The following CERS6 variants were observed in gnomAD, a reference collection of about 807,000 sequenced individuals.
The protein encoded by CERS6 is ceramide synthase 6, also known as LAG1 homolog, ceramide synthase 6.
CERS6 carries 26 observed loss-of-function variants against 56.8 expected under a neutral mutation model. That is an observed-to-expected ratio of 0.46 (90% CI 0.34 to 0.63). The LOEUF is 0.63. Ranked by LOEUF, CERS6 falls within the 30% of genes least tolerant of loss-of-function variation. The pLI is 0.01. For missense variants in CERS6, 415 were observed against 467.5 expected (o/e 0.89, Z 1.04); for synonymous variants, 164 against 173.3 (o/e 0.95, Z 0.42).
At position 168,734,168 on chromosome 2, in the gene CERS6, A is replaced by T. The variant is rs141717886; in HGVS notation, c.845+16190A>T. Among the ~76,000 whole-genome samples, 783 of 152,152 alleles carry T rather than the reference A, an allele frequency of 5.1e-3. 5 individuals carry two copies. The highest frequency in any genetic ancestry group is 8.1e-3 in the Admixed American group (124 of 15,286). On this transcript the variant is annotated intron_variant, in intron 8 of 9. Transcript: ENST00000305747. The stretch of plus-strand genomic sequence containing the variant: ...ATGTATAGAATTATCCATGCAAGGG[A>T]TTCTGGTATAGGAGGTGTGGGCGGT...
At chr2:168,552,349 T>TATACAC (rs1553491032) in intron 2 of CERS6, among the ~76,000 whole-genome samples, 1 of 140,002 alleles carries the variant, frequency 7.1e-6, no homozygotes, top group Non-Finnish European at 1.5e-5. Flanking sequence ...ATACAGAGTA[T>TATACAC]ACACACACAC....
At chr2:168,671,212 G>C (rs1370693788) in intron 4 of CERS6, among the ~76,000 whole-genome samples, 1 of 151,814 alleles carries the variant, frequency 6.6e-6, no homozygotes, top group East Asian at 1.9e-4. Flanking sequence ...TGATCCACCT[G>C]CCTCGGCCTC....
In CERS6 at chr2:168,774,439, T is replaced by C. The variant is rs1684947686; in HGVS notation, c.*4777T>C. On this transcript the variant is annotated 3_prime_UTR_variant, in exon 10 of 10. Transcript: ENST00000305747. Reference sequence around the variant, plus strand: ...AAAGTAGTATGCCCATGTATGTGTGTTTTTCTTAACACAGGTCCATGAAAG... The same window carrying C: ...AAAGTAGTATGCCCATGTATGTGTGCTTTTCTTAACACAGGTCCATGAAAG... 1.3e-5 allele frequency: 2 copies of C among 152,170 alleles called. No individual in the cohort carries two copies. Among genetic ancestry groups the C allele is most frequent in the Admixed American group, 1.3e-4 (2 of 15,284 alleles). 9.4% of individuals were successfully genotyped at this position (152,170 alleles called of 1,614,324 possible).
rs140603901 is a variant in CERS6 at position 168,551,523 on chromosome 2, C to T, written c.276+3822C>T. ...AATCTTTGAATAACCGTCTCACAGG[C>T]GTTCATGAGGGTTAAATAATCATGA... On this transcript the variant is annotated intron_variant, in intron 2 of 9. Coordinates refer to ENST00000305747, the MANE Select transcript of CERS6 (RefSeq NM_203463.3). Among the ~76,000 whole-genome samples the T allele has an allele frequency of 4.5e-4, 68 of 152,156 alleles. No individual in the cohort carries two copies. In the East Asian group the frequency reaches 0.01, roughly 23 times the overall value.
At chr2:168,538,129 C>T (rs1695298955) in intron 1 of CERS6, among the ~76,000 whole-genome samples, 1 of 151,948 alleles carries the variant, frequency 6.6e-6, no homozygotes, top group Admixed American at 6.6e-5. Context: ...TTGTTTTCCC[C>T]TTCTGTCTGC....
At chr2:168,517,349 G>A (rs1317101700) in intron 1 of CERS6, among the ~76,000 whole-genome samples, 2 of 151,650 alleles carry the variant, frequency 1.3e-5, no homozygotes, top group Admixed American at 6.6e-5. Context: ...AAAATTAGCT[G>A]GGCATTGTGG....
At chr2:168,631,100 G>GT (rs11347055) in intron 4 of CERS6, 58 bp downstream of exon 4, 115 of 465,474 alleles carry the variant, frequency 2.5e-4, no homozygotes, top group South Asian at 6.8e-4. Context: ...CTATATCCTG[G>GT]TTTTTTTTTT....
chr2:168,537,452 G>C (rs1326684913), intron 1 of CERS6, among the ~76,000 whole-genome samples: 1 of 152,026 alleles, frequency 6.6e-6, no homozygotes, highest in African/African-American at 2.4e-5. Flanking sequence ...TAGGGAGAGT[G>C]GCTAATTTCC....
intron 7 of CERS6, 141 bp from the exon 8 acceptor site, chr2:168,717,731 A>C (rs1574187123): frequency 1.7e-6 from 1 of 583,086 alleles, no homozygotes. Flanking sequence ...TGACATTTCA[A>C]TCGCAGGCTG....
At chr2:168,768,727 G>A (rs1241657237) in intron 9 of CERS6, among the ~76,000 whole-genome samples, 1 of 151,772 alleles carries the variant, frequency 6.6e-6, no homozygotes, top group Non-Finnish European at 1.5e-5. Flanking sequence ...CCAACATAGT[G>A]AAACCCTGTC....
At chr2:168,757,746 A>G (rs774187035) in intron 8 of CERS6, among the ~76,000 whole-genome samples, 1 of 152,136 alleles carries the variant, frequency 6.6e-6, no homozygotes, top group African/African-American at 2.4e-5. Flanking sequence ...AGTAACTTCC[A>G]TGTTTGCTAC....
chr2:168,719,141 GATGGTACTGGTAA>G (rs1188122685), intron 8 of CERS6, among the ~76,000 whole-genome samples: 1 of 152,308 alleles, frequency 6.6e-6, no homozygotes, highest in Non-Finnish European at 1.5e-5. Context: ...CCAGCACTGA[GATGGTACTGGTAA>G]TGCTGATAAT....
intron 4 of CERS6, among the ~76,000 whole-genome samples, chr2:168,680,087 C>G (rs1255079881): frequency 6.6e-6 from 1 of 152,160 alleles, no homozygotes; most frequent in African/African-American, 2.4e-5. Context: ...TGCTTAAAAT[C>G]ATTTTTGGAG....
chr2:168,690,993 T>C, intron 4 of CERS6, 41 bp from the exon 5 acceptor site: 1 of 1,563,886 alleles, frequency 6.4e-7, no homozygotes, highest in Non-Finnish European at 8.8e-7. Context: ...CTCTTATCCA[T>C]GTTCTAAAAT....
At chr2:168,621,803 C>G (rs1684477387) in intron 3 of CERS6, among the ~76,000 whole-genome samples, 1 of 152,106 alleles carries the variant, frequency 6.6e-6, no homozygotes, top group South Asian at 2.1e-4. Context: ...ACTATATATG[C>G]ATACAATATC....
intron 4 of CERS6, among the ~76,000 whole-genome samples, chr2:168,683,674 T>A (rs1686273305): frequency 6.6e-6 from 1 of 152,204 alleles, no homozygotes; most frequent in Admixed American, 6.5e-5. Context: ...ATACCTGGTC[T>A]CTTTCTCCCT....
chr2:168,557,525 G>C (rs1695706596), intron 2 of CERS6, among the ~76,000 whole-genome samples: 1 of 152,108 alleles, frequency 6.6e-6, no homozygotes, highest in African/African-American at 2.4e-5. Context: ...ATAGACCAAT[G>C]GAAGAAAAGA....
At chr2:168,494,045 C>T (rs543744406) in intron 1 of CERS6, among the ~76,000 whole-genome samples, 2 of 152,094 alleles carry the variant, frequency 1.3e-5, no homozygotes, top group African/African-American at 2.4e-5. Context: ...GAATATTATT[C>T]GTTATTTTCC....
intron 3 of CERS6, among the ~76,000 whole-genome samples, chr2:168,607,843 C>T (rs1024863781): frequency 5.9e-5 from 9 of 152,194 alleles, no homozygotes; most frequent in African/African-American, 2.2e-4. Context: ...ATACCCTCCC[C>T]ATATGAAGGA....
Sources: gnomAD v4.1 joint callset for allele counts (sites outside exome capture counted in the v4.1 genomes callset) on GRCh38, gnomAD v4.1.1 for gene constraint, MANE v1.5 for transcripts, NCBI Gene and HGNC (gene_info 2026-07-23, HGNC 2026-07-21) for gene names.